The following TTC34 variants were observed in gnomAD, a reference collection of about 807,000 sequenced individuals.
TTC34 encodes the protein tetratricopeptide repeat domain 34.
A neutral mutation model predicts 40.7 loss-of-function variants in TTC34; 44 were observed. The observed-to-expected ratio is 1.08, with a 90% CI of 0.85 to 1.39. The LOEUF (loss-of-function observed/expected upper bound fraction) is 1.39, where lower values mean the gene tolerates loss of function less well. Among genes scored for constraint, TTC34 ranks in the 40% most tolerant of loss-of-function variants. The probability of loss-of-function intolerance (pLI) is 0.00; values close to 1 mark genes in which losing one functional copy is unlikely to be tolerated. For missense variants in TTC34, 884 were observed against 838.0 expected (o/e 1.05, Z -0.68); for synonymous variants, 422 against 398.6 (o/e 1.06, Z -0.70).
chr1:2,759,651 A>C (rs1641627047), intron 6 of TTC34, among the ~76,000 whole-genome samples: 1 of 151,638 alleles, frequency 6.6e-6, no homozygotes, highest in Non-Finnish European at 1.5e-5. Context: ...CCAGGTGAGC[A>C]TTCGACAGCC....
At chr1:2,780,398 A>G (rs1319258543) in intron 6 of TTC34, among the ~76,000 whole-genome samples, 2 of 152,202 alleles carry the variant, frequency 1.3e-5, no homozygotes, top group Non-Finnish European at 2.9e-5. Flanking sequence ...CCCTGTGCTT[A>G]CTTCTAAGAA....
intron 6 of TTC34, among the ~76,000 whole-genome samples, chr1:2,684,989 C>A (rs536003545): frequency 6.9e-6 from 1 of 144,820 alleles, no homozygotes; most frequent in Admixed American, 6.8e-5. Flanking sequence ...CTTAGAACAG[C>A]ACCCATACCC....
chr1:2,778,763 A>G (rs553168285), intron 6 of TTC34, among the ~76,000 whole-genome samples: 2 of 40,532 alleles, frequency 4.9e-5, no homozygotes, highest in Non-Finnish European at 9.0e-5. Context: ...ATAACGTAAA[A>G]TTTACCATCT....
intron 4 of TTC34, among the ~76,000 whole-genome samples, chr1:2,787,249 G>C (rs915324705): frequency 6.6e-6 from 1 of 152,206 alleles, no homozygotes; most frequent in African/African-American, 2.4e-5. Flanking sequence ...GCCGGCCCCG[G>C]GGACCTGCCC....
intron 6 of TTC34, among the ~76,000 whole-genome samples, chr1:2,690,512 A>T (rs1640569735): frequency 8.1e-6 from 1 of 122,788 alleles, no homozygotes; most frequent in Non-Finnish European, 1.8e-5. Context: ...ACAGATGAGA[A>T]TCTGACAGCC....
chr1:2,687,258 T>A (rs1364848084), intron 6 of TTC34, among the ~76,000 whole-genome samples: 1 of 129,660 alleles, frequency 7.7e-6, no homozygotes, highest in East Asian at 2.2e-4. Context: ...CAGGTGCGCA[T>A]CTGATGGTCT....
At chr1:2,762,125 A>C (rs1368077231) in intron 6 of TTC34, among the ~76,000 whole-genome samples, 36 of 16,862 alleles carry the variant, frequency 2.1e-3, no homozygotes, top group African/African-American at 5.6e-3. Context: ...GGAGCAGCAC[A>C]CACAACCCCA....
At chr1:2,657,475 C>G (rs1639391628) in intron 6 of TTC34, among the ~76,000 whole-genome samples, 1 of 92,868 alleles carries the variant, frequency 1.1e-5, no homozygotes, top group African/African-American at 3.3e-5. Context: ...AGGCGAGCAT[C>G]TGACCGAACG....
At chr1:2,644,288 G>A (rs1638973288) in exon 8 of TTC34, 1 of 1,534,872 alleles carries the variant, frequency 6.5e-7, no homozygotes, top group Admixed American at 2.0e-5. Flanking sequence ...GCCGCTCCGA[G>A]GCCTCCAGGA....
exon 9 of TTC34, chr1:2,641,555 T>C: frequency 6.5e-7 from 1 of 1,533,678 alleles, no homozygotes; most frequent in South Asian, 1.2e-5. Context: ...CCGGCCTGGC[T>C]GCCTGCACAG....
intron 6 of TTC34, among the ~76,000 whole-genome samples, chr1:2,683,223 A>T: frequency 6.9e-6 from 1 of 144,536 alleles, no homozygotes; most frequent in East Asian, 2.1e-4. Context: ...CTGGGTCGGC[A>T]CCCACACCCC....
intron 2 of TTC34, among the ~76,000 whole-genome samples, chr1:2,798,287 C>A (rs1643732297): frequency 9.5e-6 from 1 of 104,776 alleles, no homozygotes; most frequent in African/African-American, 3.7e-5. Flanking sequence ...GCCTCCTAGC[C>A]TCTCAGCCCC....
chr1:2,691,555 A>T (rs1640618421), intron 6 of TTC34, among the ~76,000 whole-genome samples: 1 of 134,444 alleles, frequency 7.4e-6, no homozygotes. Context: ...CCAGGTGAGC[A>T]TCTGACAGAC....
intron 6 of TTC34, among the ~76,000 whole-genome samples, chr1:2,751,757 A>C (rs1176026232): frequency 7.1e-6 from 1 of 140,076 alleles, no homozygotes; most frequent in African/African-American, 2.8e-5. Flanking sequence ...ATCGTAGAGC[A>C]GCACCCCACA....
At chr1:2,784,990 T>TCTGGGCC (rs869214678) in intron 5 of TTC34, among the ~76,000 whole-genome samples, 9 of 150,838 alleles carry the variant, frequency 6.0e-5, no homozygotes, top group Non-Finnish European at 1.0e-4. Flanking sequence ...CGCTCTGGGC[T>TCTGGGCC]GCTCTGGGCC....
intron 6 of TTC34, among the ~76,000 whole-genome samples, chr1:2,760,349 AAC>A: frequency 2.3e-5 from 1 of 43,240 alleles, no homozygotes; most frequent in Admixed American, 2.3e-4. Flanking sequence ...GACAGCCTGG[AAC>A]AGCACCCCAC....
At chr1:2,677,906 C>G (rs1381127869) in intron 6 of TTC34, among the ~76,000 whole-genome samples, 1 of 38,108 alleles carries the variant, frequency 2.6e-5, no homozygotes, top group Admixed American at 3.0e-4. Flanking sequence ...AGGCGAGCAT[C>G]TGACAGCCTG....
intron 6 of TTC34, among the ~76,000 whole-genome samples, chr1:2,767,505 C>G (rs1281155775): frequency 6.8e-6 from 1 of 146,984 alleles, no homozygotes; most frequent in African/African-American, 2.5e-5. Flanking sequence ...ATCTGACAGC[C>G]TGGAACAGAA....
exon 6 of TTC34, chr1:2,783,736 C>A: frequency 6.5e-7 from 1 of 1,541,782 alleles, no homozygotes; most frequent in South Asian, 1.2e-5. Flanking sequence ...GAACCCATAG[C>A]AGCGGGCTCG....
Sources: allele counts gnomAD v4.1 joint callset (sites outside exome capture counted in the v4.1 genomes callset), GRCh38; gene constraint gnomAD v4.1.1; transcripts MANE v1.5; gene names NCBI Gene and HGNC (gene_info 2026-07-23, HGNC 2026-07-21).